ADAM12: variants seen among roughly 807,000 people sequenced by gnomAD.
ADAM12 encodes the protein disintegrin and metalloproteinase domain-containing protein 12.
Under a neutral mutation model 106.4 loss-of-function variants are expected in ADAM12, and 70 were observed. The ratio of observed to expected loss-of-function variants is 0.66; its 90% CI spans 0.54 to 0.80. ADAM12 has a LOEUF of 0.80. Ranked by LOEUF, ADAM12 falls within the 30% of genes least tolerant of loss-of-function variation. The pLI, the probability that ADAM12 is intolerant of heterozygous loss-of-function variation, is 0.00. For synonymous variants in ADAM12, 420 were observed against 433.5 expected (o/e 0.97, Z 0.39); for missense variants, 1,010 against 1,171.9 (o/e 0.86, Z 2.02).
intron 3 of ADAM12, among the ~76,000 whole-genome samples, chr10:126,261,861 G>A (rs1056263079): frequency 1.3e-5 from 2 of 150,320 alleles, no homozygotes; most frequent in African/African-American, 2.5e-5. Flanking sequence ...GGAGTGCAGC[G>A]GCGCGATCTC....
At chr10:126,105,306 T>C (rs1247279315) in intron 8 of ADAM12, among the ~76,000 whole-genome samples, 1 of 152,134 alleles carries the variant, frequency 6.6e-6, no homozygotes, top group Non-Finnish European at 1.5e-5. Flanking sequence ...CCCAAACACA[T>C]CCCTTTTTTA....
At chr10:126,307,848 C>T (rs927436373) in intron 2 of ADAM12, among the ~76,000 whole-genome samples, 48 of 152,354 alleles carry the variant, frequency 3.2e-4, no homozygotes, top group African/African-American at 1.1e-3. Context: ...CTGCCTTGGC[C>T]TCCAAAAGTG....
chr10:126,375,251 T>TAAA (rs796088323), intron 1 of ADAM12, among the ~76,000 whole-genome samples: 1 of 137,010 alleles, frequency 7.3e-6, no homozygotes, highest in Non-Finnish European at 1.6e-5. Flanking sequence ...AAGCCATGGT[T>TAAA]AAAAAAAAAA....
At chr10:126,042,184 T>C (rs966835242) in intron 18 of ADAM12, 3 of 1,613,852 alleles carry the variant, frequency 1.9e-6, no homozygotes, top group Non-Finnish European at 2.5e-6. Context: ...TCCCACGGGC[T>C]CCTGGCCCTG....
intron 3 of ADAM12, among the ~76,000 whole-genome samples, chr10:126,162,856 C>G (rs1265052925): frequency 6.6e-6 from 1 of 152,188 alleles, no homozygotes; most frequent in African/African-American, 2.4e-5. Flanking sequence ...CTTGTCCCCA[C>G]TCAAATCTCA....
At chr10:126,191,840 A>C (rs552845156) in intron 3 of ADAM12, among the ~76,000 whole-genome samples, 2 of 152,304 alleles carry the variant, frequency 1.3e-5, no homozygotes, top group East Asian at 3.9e-4. Flanking sequence ...TTTATAAAGA[A>C]AATAGGTTTA....
chr10:126,110,866 G>A (rs1311471895), intron 6 of ADAM12, among the ~76,000 whole-genome samples: 2 of 152,212 alleles, frequency 1.3e-5, no homozygotes, highest in African/African-American at 2.4e-5. Context: ...GTTGGAGGAA[G>A]TGGGGGTTAA....
chr10:126,384,051 C>T (rs1383414132), intron 1 of ADAM12, among the ~76,000 whole-genome samples: 1 of 152,146 alleles, frequency 6.6e-6, no homozygotes, highest in Non-Finnish European at 1.5e-5. Context: ...TGCTGTATTA[C>T]TGCCTGGAAT....
At chr10:126,384,164 A>C (rs1344023985) in intron 1 of ADAM12, among the ~76,000 whole-genome samples, 2 of 152,158 alleles carry the variant, frequency 1.3e-5, no homozygotes, top group African/African-American at 4.8e-5. Context: ...AAATAAAAGA[A>C]AGTGCTTGGG....
Position 126,017,234 on chromosome 10 carries a change from T to C in ADAM12, c.*45A>G. ...AAAAACTCCAACTGGAGCTGAAAGA[T>C]AGTGCAAACTTCTGTCTTCACTGTT... On this transcript the variant is annotated 3_prime_UTR_variant, in exon 23 of 23. Coordinates refer to ENST00000448723, the MANE Select transcript of ADAM12 (RefSeq NM_001288973.2). 2.0e-6 allele frequency: 3 copies of C among 1,498,056 alleles called. No individual in the cohort carries two copies. Among genetic ancestry groups the C allele is most frequent in the Non-Finnish European group, 2.7e-6 (3 of 1,106,380 alleles). The allele number at this position is 1,498,056 out of a possible 1,614,324, so 92.8% of individuals were successfully genotyped here.
At chr10:126,069,966 C>G (rs546864233) in intron 12 of ADAM12, among the ~76,000 whole-genome samples, 1 of 151,970 alleles carries the variant, frequency 6.6e-6, no homozygotes, top group Non-Finnish European at 1.5e-5. Context: ...ATTCCAAACC[C>G]GAGAGTTCAT....
At chr10:126,347,987 C>T (rs1192202052) in intron 1 of ADAM12, among the ~76,000 whole-genome samples, 2 of 152,152 alleles carry the variant, frequency 1.3e-5, no homozygotes, top group African/African-American at 2.4e-5. Flanking sequence ...TCTAGAACAA[C>T]ACCTTCCAGT....
chr10:126,379,090 G>A (rs1189585667), intron 1 of ADAM12, among the ~76,000 whole-genome samples: 1 of 152,182 alleles, frequency 6.6e-6, no homozygotes, highest in African/African-American at 2.4e-5. Context: ...TACACTGTTG[G>A]TGGGAGTGTA....
chr10:126,331,649 G>A (rs968023954), intron 1 of ADAM12, among the ~76,000 whole-genome samples: 22 of 152,156 alleles, frequency 1.4e-4, no homozygotes, highest in Admixed American at 5.2e-4. Flanking sequence ...AAGAGGACAA[G>A]GAACAGGAAT....
At chr10:126,158,873 A>ACGG (rs1956879380) in intron 3 of ADAM12, among the ~76,000 whole-genome samples, 1 of 146,626 alleles carries the variant, frequency 6.8e-6, no homozygotes, top group African/African-American at 2.6e-5. Context: ...TGCGCAGAGC[A>ACGG]TGGGGAGAGG....
chr10:126,263,670 C>G (rs1232508437), intron 3 of ADAM12, among the ~76,000 whole-genome samples: 1 of 152,056 alleles, frequency 6.6e-6, no homozygotes, highest in African/African-American at 2.4e-5. Context: ...TTTATGTGTC[C>G]TTCAGTAACC....
intron 3 of ADAM12, among the ~76,000 whole-genome samples, chr10:126,195,613 C>G (rs540035141): frequency 6.6e-6 from 1 of 152,002 alleles, no homozygotes; most frequent in Non-Finnish European, 1.5e-5. Context: ...AACCAACATA[C>G]GTTAATTAGA....
intron 3 of ADAM12, among the ~76,000 whole-genome samples, chr10:126,219,591 C>T (rs1958052407): frequency 6.6e-6 from 1 of 152,128 alleles, no homozygotes; most frequent in Admixed American, 6.5e-5. Context: ...GGTGAAAATC[C>T]TTATAGTTGA....
At chr10:126,268,953 T>C (rs1478595085) in intron 3 of ADAM12, among the ~76,000 whole-genome samples, 2 of 152,168 alleles carry the variant, frequency 1.3e-5, no homozygotes, top group Non-Finnish European at 2.9e-5. Context: ...GCAAGTTTAT[T>C]AAGAAAGTAA....
Sources: gnomAD v4.1 joint callset for allele counts (sites outside exome capture counted in the v4.1 genomes callset) on GRCh38, gnomAD v4.1.1 for gene constraint, MANE v1.5 for transcripts, NCBI Gene and HGNC (gene_info 2026-07-23, HGNC 2026-07-21) for gene names.